Variants in RTRAF observed in about 807,000 individuals in gnomAD.
RTRAF encodes the protein RNA transcription, translation and transport factor, also known as tRNA-splicing ligase complex subunit RTRAF.
Under a neutral mutation model 34.4 loss-of-function variants are expected in RTRAF, and 14 were observed. The ratio of observed to expected loss-of-function variants is 0.41; its 90% CI spans 0.27 to 0.64. RTRAF has a LOEUF of 0.64. Ranked by LOEUF, RTRAF falls within the 30% of genes least tolerant of loss-of-function variation. RTRAF has a pLI of 0.34. For synonymous variants in RTRAF, 96 were observed against 95.3 expected, an observed-to-expected ratio of 1.01 and a Z score of -0.04; for missense variants, 291 against 288.4, an observed-to-expected ratio of 1.01 and a Z score of -0.06.
chr14:52,002,368 A>T, intron 6 of RTRAF, among the ~76,000 whole-genome samples: 1 of 152,246 alleles, frequency 6.6e-6, no homozygotes, highest in East Asian at 1.9e-4. Context: ...GACTGAGCTC[A>T]GGCAGTCTGA....
rs894012795 is a variant in RTRAF, at chr14:52,007,646, T to C, written c.*3130T>C. The stretch of plus-strand genomic sequence containing the variant: ...CTCCACCCAAACCCCAGAAAGTTCA[T>C]TTTAAGACTCATTTACTAGTACTTA... On this transcript the variant is annotated 3_prime_UTR_variant, in exon 8 of 8. Coordinates refer to ENST00000261700, the MANE Select transcript of RTRAF (RefSeq NM_016039.3). 27 of 687,434 alleles carry C rather than the reference T, an allele frequency of 3.9e-5. No homozygotes were observed. Among genetic ancestry groups the C allele is most frequent in the Admixed American group, 1.5e-4 (6 of 38,714 alleles). The allele number at this position is 687,434 out of a possible 1,614,324, so 42.6% of individuals were successfully genotyped here. A position where few individuals can be genotyped will look rare whatever the true frequency, so the allele number is the denominator to read the frequency against.
intron 5 of RTRAF, 53 bp downstream of exon 5, chr14:51,999,849 C>G (rs1308517480): frequency 7.9e-7 from 1 of 1,267,300 alleles, no homozygotes; most frequent in Admixed American, 1.9e-5. Flanking sequence ...AGAAAAATGT[C>G]TTTATTTTCT....
intron 7 of RTRAF, 36 bp downstream of exon 7, chr14:52,004,278 TAC>T: frequency 6.2e-7 from 1 of 1,601,604 alleles, no homozygotes; most frequent in Non-Finnish European, 8.5e-7. Flanking sequence ...CTATTTTTTT[TAC>T]AGACTGAATA....
rs1890473396 is a variant in RTRAF at position 51,993,762 on chromosome 14, C to A, written c.226C>A (p.Arg76=). ...DVNCPFKIQD[R]QEAIDWLLGL... ...TAACTGTCCTTTCAAGATTCAAGAT[C>A]GACAAGAAGCTATTGACTGGCTTCT... The change falls in exon 3 of 8, where the codon CGA becomes AGA. Residue 76 remains arginine, a synonymous_variant. Transcript: ENST00000261700. The A allele has an allele frequency of 1.9e-6, 3 of 1,603,072 alleles. No homozygotes were observed. The highest frequency in any genetic ancestry group is 2.3e-5 in the East Asian group (1 of 44,154).
rs1890822510 is a variant in RTRAF at position 52,007,288 on chromosome 14, T to C, written c.*2772T>C. ...ATGTACATTAGGCCCTTTTATTAGA[T>C]TACAAATTCAAGAACAGTCTTTTTC... On this transcript the variant is annotated 3_prime_UTR_variant, in exon 8 of 8. Coordinates refer to ENST00000261700, the MANE Select transcript of RTRAF (RefSeq NM_016039.3). 1 of 155,662 alleles carries C rather than the reference T, an allele frequency of 6.4e-6. No homozygotes were observed. 9.6% of individuals were successfully genotyped at this position (155,662 alleles called of 1,614,324 possible).
chr14:52,006,204 A>C lies in RTRAF; in HGVS notation c.*1688A>C, dbSNP rs893007211. ...CAAAAGCCAACTTAAGCCCTGTAAT[A>C]TAGCTCATGGTATCAAGGGTAGTCT... On this transcript the variant is annotated 3_prime_UTR_variant, in exon 8 of 8. Transcript: ENST00000261700. 7.6e-6 allele frequency: 3 copies of C among 395,796 alleles called. No homozygotes were observed. Among genetic ancestry groups the C allele is most frequent in the African/African-American group, 6.1e-5 (3 of 49,496 alleles). 24.5% of individuals were successfully genotyped at this position (395,796 alleles called of 1,614,324 possible). A position where few individuals can be genotyped will look rare whatever the true frequency, so the allele number is the denominator to read the frequency against.
Position 51,989,560 on chromosome 14 carries a change from C to G in RTRAF, c.-80C>G. The G allele has an allele frequency of 2.7e-6, 4 of 1,462,110 alleles. No homozygotes were observed. Among genetic ancestry groups the G allele is most frequent in the Non-Finnish European group, 2.8e-6 (3 of 1,075,860 alleles). The allele number at this position is 1,462,110 out of a possible 1,614,324, so 90.6% of individuals were successfully genotyped here. A position where few individuals can be genotyped will look rare whatever the true frequency, so the allele number is the denominator to read the frequency against. On this transcript the variant is annotated 5_prime_UTR_variant, in exon 1 of 8. Transcript: ENST00000261700. ...GCCTGCCCGCCCTCTCGCCGCGTCG[C>G]CGGTGCCTGCGCCTCCCGCTCCACC...
At chr14:51,993,377 A>G (rs567315504) in intron 2 of RTRAF, among the ~76,000 whole-genome samples, 1 of 152,212 alleles carries the variant, frequency 6.6e-6, no homozygotes, top group East Asian at 1.9e-4. Flanking sequence ...TCCTTTTTAA[A>G]GTTATTCTTT....
chr14:51,991,754 A>C (rs1185947133), intron 2 of RTRAF, among the ~76,000 whole-genome samples: 1 of 152,206 alleles, frequency 6.6e-6, no homozygotes, highest in East Asian at 1.9e-4. Flanking sequence ...TGTTAAACAC[A>C]GTACTATTTC....
chr14:52,008,202 C>T lies in RTRAF; in HGVS notation c.*3686C>T. 1 of 395,334 alleles carries T rather than the reference C, an allele frequency of 2.5e-6. No homozygotes were observed. The highest frequency in any genetic ancestry group is 4.5e-6 in the Non-Finnish European group (1 of 221,034). The allele number at this position is 395,334 out of a possible 1,614,324, so 24.5% of individuals were successfully genotyped here. A position where few individuals can be genotyped will look rare whatever the true frequency, so the allele number is the denominator to read the frequency against. ...AAAACTGGTTTCTGCCTTAGGGGCTCTCTCTTGCTCCCTTTGAGGGAAGCT... is the reference window on the plus strand; with the variant it reads ...AAAACTGGTTTCTGCCTTAGGGGCTTTCTCTTGCTCCCTTTGAGGGAAGCT... On this transcript the variant is annotated 3_prime_UTR_variant, in exon 8 of 8. Coordinates refer to ENST00000261700, the MANE Select transcript of RTRAF (RefSeq NM_016039.3).
rs1175040542 is a variant in RTRAF, at chr14:52,007,106, CAT to C, written c.*2593_*2594del. On this transcript the variant is annotated 3_prime_UTR_variant, in exon 8 of 8. Coordinates refer to ENST00000261700, the MANE Select transcript of RTRAF (RefSeq NM_016039.3). ...AAGTGACTAAAATGGTAACATAACT[CAT>C]ATTTCAATGTAAAGGAATCAGTCTT... The C allele has an allele frequency of 6.5e-6, 1 of 154,912 alleles. No individual in the cohort carries two copies. Among genetic ancestry groups the C allele is most frequent in the African/African-American group, 2.4e-5 (1 of 41,432 alleles). The allele number at this position is 154,912 out of a possible 1,614,324, so 9.6% of individuals were successfully genotyped here. A position where few individuals can be genotyped will look rare whatever the true frequency, so the allele number is the denominator to read the frequency against.
Position 51,989,645 on chromosome 14 carries a change from C to A in RTRAF, c.6C>A (p.Phe2Leu), listed in dbSNP as rs150166267. 1.9e-6 allele frequency: 3 copies of A among 1,604,946 alleles called. No homozygotes were observed. The highest frequency in any genetic ancestry group is 4.5e-5 in the East Asian group (2 of 44,066). The change falls in exon 1 of 8, where the codon TTC becomes TTA. Residue 2 changes from phenylalanine to leucine, a missense_variant. Phe to Leu is a conservative substitution (Grantham distance 22, BLOSUM62 0). Transcript: ENST00000261700. M[F>L]RRKLTALDYH... is the part of the protein sequence containing the mutation. ...CAGAGCGAGAAGCGGGGACCATGTT[C>A]CGACGCAAGTTGACGGCTCTCGACT...
Position 52,004,502 on chromosome 14 carries a change from A to C in RTRAF, c.721A>C (p.Lys241Gln). 6.2e-7 allele frequency: 1 copy of C among 1,613,346 alleles called. No homozygotes were observed. The highest frequency in any genetic ancestry group is 8.5e-7 in the Non-Finnish European group (1 of 1,179,764). ...TCCAAAGACAGACCACAGACTGGGA[A>C]AAGTTGGAAGATGAACACTTGAGGA... ...ADPKTDHRLGKVGR is the reference protein window; with the variant it reads ...ADPKTDHRLGQVGR Residue 241 changes from lysine (K) to glutamine (Q), a missense_variant, in exon 8 of 8, where the codon AAA becomes CAA. By Grantham distance (53) the Lys-to-Gln change is moderately conservative. Transcript: ENST00000261700.
Position 51,993,704 on chromosome 14 carries a change from C to T in RTRAF, c.187-19C>T, listed in dbSNP as rs768203854. On this transcript the variant is annotated intron_variant, in intron 2 of 7. Coordinates refer to ENST00000261700, the MANE Select transcript of RTRAF (RefSeq NM_016039.3). ...TGGTAATAATGAAACTGGTGGTTTT[C>T]TTTTCTTCCCCCTCACAGTATCTCA... is the stretch of plus-strand genomic sequence containing the variant. The T allele has an allele frequency of 1.0e-5, 15 of 1,467,894 alleles. 1 individual carries two copies. Among genetic ancestry groups the T allele is most frequent in the Middle Eastern group, 3.7e-4 (2 of 5,442 alleles). 90.9% of individuals were successfully genotyped at this position (1,467,894 alleles called of 1,614,324 possible).
intron 3 of RTRAF, chr14:51,997,841 C>G (rs1313295007): frequency 6.6e-6 from 1 of 151,742 alleles, no homozygotes; most frequent in Non-Finnish European, 1.5e-5. Flanking sequence ...ACTTAACCCT[C>G]CTCCCATTCT....
Position 52,005,080 on chromosome 14 carries a change from A to C in RTRAF, c.*564A>C, listed in dbSNP as rs1308868103. 6.1e-6 allele frequency: 1 copy of C among 164,202 alleles called. No individual in the cohort carries two copies. The highest frequency in any genetic ancestry group is 1.3e-5 in the Non-Finnish European group (1 of 76,148). The allele number at this position is 164,202 out of a possible 1,614,324, so 10.2% of individuals were successfully genotyped here. On this transcript the variant is annotated 3_prime_UTR_variant, in exon 8 of 8. Coordinates refer to ENST00000261700, the MANE Select transcript of RTRAF (RefSeq NM_016039.3). ...TTGGCTTCTCCAACTGTCAAGGTTT[A>C]GGATTATATTGTTATATTGATCACA...
Position 52,005,717 on chromosome 14 carries a change from T to C in RTRAF, c.*1201T>C, listed in dbSNP as rs1177750938. 1 of 1,578,580 alleles carries C rather than the reference T, an allele frequency of 6.3e-7. No individual in the cohort carries two copies. Among genetic ancestry groups the C allele is most frequent in the African/African-American group, 1.3e-5 (1 of 74,428 alleles). ...TCTACCCTGCTAATTTAAAGGAGCA[T>C]CCTAAAGCATACTTTTTACCTGTTG... On this transcript the variant is annotated 3_prime_UTR_variant, in exon 8 of 8. Coordinates refer to ENST00000261700, the MANE Select transcript of RTRAF (RefSeq NM_016039.3).
In RTRAF at chr14:52,006,534, C is replaced by T. The variant is rs780993502; in HGVS notation, c.*2018C>T. The T allele has an allele frequency of 6.2e-7, 1 of 1,613,366 alleles. No individual in the cohort carries two copies. The highest frequency in any genetic ancestry group is 1.7e-5 in the Admixed American group (1 of 59,990). Reference sequence around the variant, plus strand: ...AGGCTTGTCCAGAATTTGTGGGGCTCACCTCCTCCAGTCTGTGTGGTAGAA... The same window carrying T: ...AGGCTTGTCCAGAATTTGTGGGGCTTACCTCCTCCAGTCTGTGTGGTAGAA... On this transcript the variant is annotated 3_prime_UTR_variant, in exon 8 of 8. Transcript: ENST00000261700.
intron 3 of RTRAF, among the ~76,000 whole-genome samples, chr14:51,997,398 A>T (rs1185456062): frequency 6.6e-6 from 1 of 151,884 alleles, no homozygotes; most frequent in Admixed American, 6.6e-5. Flanking sequence ...ATTTTATTCA[A>T]TGGATTATAA....
Sources: gnomAD v4.1 joint callset for allele counts (sites outside exome capture counted in the v4.1 genomes callset) on GRCh38, gnomAD v4.1.1 for gene constraint, MANE v1.5 for transcripts, NCBI Gene and HGNC (gene_info 2026-07-23, HGNC 2026-07-21) for gene names.